FSD1L: variants seen among roughly 807,000 people sequenced by gnomAD.
FSD1L encodes FSD1-like protein.
FSD1L carries 45 observed loss-of-function variants against 71.6 expected under a neutral mutation model. That is an observed-to-expected ratio of 0.63 (90% CI 0.49 to 0.81). The LOEUF is 0.81. Ranked by LOEUF, FSD1L falls within the 30% of genes least tolerant of loss-of-function variation. The pLI, the probability that FSD1L is intolerant of heterozygous loss-of-function variation, is 0.00. For synonymous variants in FSD1L, 197 were observed against 207.2 expected, an observed-to-expected ratio of 0.95 and a Z score of 0.42; for missense variants, 561 against 618.1, an observed-to-expected ratio of 0.91 and a Z score of 0.98.
chr9:105,503,246 A>T (rs1003748474), intron 7 of FSD1L, among the ~76,000 whole-genome samples: 1 of 152,188 alleles, frequency 6.6e-6, no homozygotes, highest in Non-Finnish European at 1.5e-5. Context: ...CTAATTTTTA[A>T]TATTCTGTAG....
intron 3 of FSD1L, among the ~76,000 whole-genome samples, chr9:105,466,982 A>C (rs1182458130): frequency 6.6e-6 from 1 of 152,206 alleles, no homozygotes; most frequent in African/African-American, 2.4e-5. Context: ...GTAGTAGGCA[A>C]AAGGCAACAA....
chr9:105,465,317 C>T (rs956259754), intron 3 of FSD1L, among the ~76,000 whole-genome samples: 1 of 152,180 alleles, frequency 6.6e-6, no homozygotes, highest in Non-Finnish European at 1.5e-5. Context: ...CCACTGAAAT[C>T]TAGCAAATAT....
intron 5 of FSD1L, among the ~76,000 whole-genome samples, chr9:105,473,513 C>G (rs1000613925): frequency 6.6e-6 from 1 of 152,136 alleles, no homozygotes; most frequent in South Asian, 2.1e-4. Flanking sequence ...GTACTTGATA[C>G]TGCTACTATT....
At chr9:105,484,320 T>TA in intron 6 of FSD1L, 61 bp from the exon 7 acceptor site, 1 of 1,210,658 alleles carries the variant, frequency 8.3e-7, no homozygotes, top group East Asian at 3.1e-5. Flanking sequence ...TTTTATAAAT[T>TA]AAATATGATT....
rs914284367 is a variant in FSD1L at position 105,526,248 on chromosome 9, C to A, written c.1026-8245C>A. On this transcript the variant is annotated intron_variant, in intron 10 of 13. Transcript: ENST00000481272. ...ACTTCTATGAGGAGAGAGCACGATA[C>A]CTGCAAACAATTGTCCAGCACCACT... The A allele has an allele frequency of 1.4e-5, 22 of 1,600,704 alleles. No homozygotes were observed. In the Admixed American group the frequency reaches 3.7e-4, roughly 27 times the overall value.
chr9:105,547,930 A>C lies in FSD1L; in HGVS notation c.*1447A>C, dbSNP rs573418921. On this transcript the variant is annotated 3_prime_UTR_variant, in exon 14 of 14. Transcript: ENST00000481272. The stretch of plus-strand genomic sequence containing the variant: ...TTCCAAGGAGTGACCATTACTGCCT[A>C]CATTTGCGTTGCTTTCTACATAGAG... The C allele has an allele frequency of 6.6e-6, 1 of 152,182 alleles. No homozygotes were observed. Among genetic ancestry groups the C allele is most frequent in the South Asian group, 2.1e-4 (1 of 4,826 alleles). 9.4% of individuals were successfully genotyped at this position (152,182 alleles called of 1,614,324 possible). A position where few individuals can be genotyped will look rare whatever the true frequency, so the allele number is the denominator to read the frequency against.
intron 7 of FSD1L, among the ~76,000 whole-genome samples, chr9:105,495,697 C>G (rs1033345827): frequency 1.4e-4 from 21 of 152,312 alleles, no homozygotes; most frequent in Admixed American, 2.0e-4. Context: ...GTTCTTTGGG[C>G]CGGGCGCGGT....
At chr9:105,511,077 CAAAG>C (rs1038393777) in intron 9 of FSD1L, among the ~76,000 whole-genome samples, 9 of 150,884 alleles carry the variant, frequency 6.0e-5, no homozygotes, top group Non-Finnish European at 1.0e-4. Context: ...GTAGTGTCCA[CAAAG>C]AAAGAGAGAT....
intron 3 of FSD1L, among the ~76,000 whole-genome samples, chr9:105,466,924 G>A (rs753486889): frequency 6.6e-6 from 1 of 152,104 alleles, no homozygotes; most frequent in Non-Finnish European, 1.5e-5. Context: ...GAAAAAAAAA[G>A]TAGTGGGGGA....
intron 5 of FSD1L, among the ~76,000 whole-genome samples, chr9:105,477,681 C>A (rs1282415953): frequency 6.6e-6 from 1 of 152,076 alleles, no homozygotes; most frequent in Non-Finnish European, 1.5e-5. Context: ...ACATTAAAAT[C>A]TTTGTTTTGT....
At chr9:105,521,495 A>G (rs1835152445) in intron 10 of FSD1L, 1 of 1,613,820 alleles carries the variant, frequency 6.2e-7, no homozygotes, top group Non-Finnish European at 8.5e-7. Flanking sequence ...TGACAGAGAT[A>G]TTTCGTCAGG....
chr9:105,444,675 G>A (rs948859156), upstream of FSD1L, among the ~76,000 whole-genome samples: 2 of 152,174 alleles, frequency 1.3e-5, no homozygotes, highest in African/African-American at 4.8e-5. Context: ...GGTTCCTGGA[G>A]GCCCAGAGAC....
chr9:105,541,806 C>T (rs1437350301), intron 13 of FSD1L, among the ~76,000 whole-genome samples: 1 of 152,160 alleles, frequency 6.6e-6, no homozygotes, highest in Non-Finnish European at 1.5e-5. Context: ...TCCACACAAC[C>T]AGCCCTAGCT....
rs1190860819 is a variant in FSD1L at position 105,550,026 on chromosome 9, G to A, written c.*3543G>A. 3 of 151,850 alleles carry A rather than the reference G, an allele frequency of 2.0e-5. No individual in the cohort carries two copies. The highest frequency in any genetic ancestry group is 7.3e-5 in the African/African-American group (3 of 41,370). The allele number at this position is 151,850 out of a possible 1,614,324, so 9.4% of individuals were successfully genotyped here. The stretch of plus-strand genomic sequence containing the variant: ...TTAAAAACGTAATTTGTTTTTAAAA[G>A]ATGAGTCTCCATTCATTGGCTAATC... On this transcript the variant is annotated 3_prime_UTR_variant, in exon 14 of 14. Coordinates refer to ENST00000481272, the MANE Select transcript of FSD1L (RefSeq NM_001145313.3).
At chr9:105,519,659 T>TA (rs1175609390) in intron 10 of FSD1L, among the ~76,000 whole-genome samples, 2 of 152,164 alleles carry the variant, frequency 1.3e-5, no homozygotes, top group Non-Finnish European at 2.9e-5. Flanking sequence ...CTCAAAATAA[T>TA]AAGAGCTGTT....
chr9:105,543,330 A>G (rs2131530844), intron 13 of FSD1L, among the ~76,000 whole-genome samples: 1 of 152,222 alleles, frequency 6.6e-6, no homozygotes, highest in Non-Finnish European at 1.5e-5. Flanking sequence ...AATGATCTGT[A>G]TTTTCATATT....
At chr9:105,521,538 A>G (rs1162210482) in intron 10 of FSD1L, 12 of 1,613,804 alleles carry the variant, frequency 7.4e-6, no homozygotes, top group Middle Eastern at 3.3e-4. Context: ...AGCAGCAGCT[A>G]TGAGAAAAGT....
Position 105,484,509 on chromosome 9 carries a change from A to G in FSD1L, c.586+7A>G, listed in dbSNP as rs1280990087. ...ACTTTGAAGTTTTTGCCAGGTAAAT[A>G]CATGTATTACATGTAAAGTTTTGTA... is the stretch of plus-strand genomic sequence containing the variant. On this transcript the variant is annotated splice_region_variant and intron_variant, in intron 7 of 13. Coordinates refer to ENST00000481272, the MANE Select transcript of FSD1L (RefSeq NM_001145313.3). 2.0e-6 allele frequency: 3 copies of G among 1,472,968 alleles called. No homozygotes were observed. The highest frequency in any genetic ancestry group is 2.7e-6 in the Non-Finnish European group (3 of 1,114,852). 91.2% of individuals were successfully genotyped at this position (1,472,968 alleles called of 1,614,324 possible).
intron 4 of FSD1L, among the ~76,000 whole-genome samples, chr9:105,470,278 G>C (rs1434640909): frequency 8.6e-5 from 13 of 151,948 alleles, no homozygotes; most frequent in Admixed American, 8.5e-4. Context: ...TATTTTTTCT[G>C]TTCCTACAAA....
Sources: allele counts gnomAD v4.1 joint callset (sites outside exome capture counted in the v4.1 genomes callset), GRCh38; gene constraint gnomAD v4.1.1; transcripts MANE v1.5; gene names NCBI Gene and HGNC (gene_info 2026-07-23, HGNC 2026-07-21).